EPB41L3: variants seen among roughly 807,000 people sequenced by gnomAD.
EPB41L3 encodes the protein band 4.1-like protein 3.
In EPB41L3, 57 loss-of-function variants were observed where a neutral mutation model predicts 127.1. That is an observed-to-expected ratio of 0.45 (90% CI 0.36 to 0.56). The LOEUF (loss-of-function observed/expected upper bound fraction) is 0.56, where lower values mean the gene tolerates loss of function less well. Among genes scored for constraint, EPB41L3 ranks in the 20% least tolerant of loss-of-function variants. The pLI, the probability that EPB41L3 is intolerant of heterozygous loss-of-function variation, is 0.00. For missense variants in EPB41L3, 1,273 were observed against 1,372.2 expected, an observed-to-expected ratio of 0.93 and a Z score of 1.14; for synonymous variants, 572 against 549.5, an observed-to-expected ratio of 1.04 and a Z score of -0.57.
intron 16 of EPB41L3, among the ~76,000 whole-genome samples, chr18:5,405,799 A>AACAC (rs1292820934): frequency 9.6e-6 from 1 of 103,788 alleles, no homozygotes. Context: ...CAAACAAACA[A>AACAC]AAACAAAAAA....
intron 3 of EPB41L3, among the ~76,000 whole-genome samples, chr18:5,581,717 C>T (rs752515529): frequency 6.6e-6 from 1 of 152,140 alleles, no homozygotes; most frequent in South Asian, 2.1e-4. Flanking sequence ...ATGATTAAGG[C>T]CAGGCATGGT....
chr18:5,538,260 A>G (rs2093627400), intron 1 of EPB41L3, among the ~76,000 whole-genome samples: 1 of 152,172 alleles, frequency 6.6e-6, no homozygotes. Flanking sequence ...GCTTTTCCAC[A>G]CAATATCAAC....
In EPB41L3 at chr18:5,394,793, C is replaced by T. The variant is rs767551000; in HGVS notation, c.3154G>A (p.Ala1052Thr). 6.2e-7 allele frequency: 1 copy of T among 1,613,884 alleles called. No homozygotes were observed. The highest frequency in any genetic ancestry group is 1.3e-5 in the African/African-American group (1 of 74,876). Residue 1052 changes from alanine to threonine, a missense_variant and splice_region_variant, in exon 22 of 23, where the codon GCG becomes ACG. Transcript: ENST00000341928. The part of the protein sequence containing the change: ...TGDADIDHDQ[A>T]LAQAIKEAKE... ...GCCTCTTTAATTGCCTGAGCCAGCG[C>T]CTATCCCCGGGAAATCACAGAAGGG... is the stretch of plus-strand genomic sequence containing the variant.
chr18:5,586,951 T>C (rs576141060), intron 3 of EPB41L3, among the ~76,000 whole-genome samples: 13 of 152,302 alleles, frequency 8.5e-5, no homozygotes, highest in African/African-American at 2.9e-4. Flanking sequence ...TTTCACCCTG[T>C]ACCTGTGCAT....
intron 9 of EPB41L3, among the ~76,000 whole-genome samples, chr18:5,425,564 AG>A (rs1241578921): frequency 6.6e-6 from 1 of 152,162 alleles, no homozygotes; most frequent in Non-Finnish European, 1.5e-5. Context: ...CAACCTCTGT[AG>A]GCAAGGATGA....
intron 3 of EPB41L3, among the ~76,000 whole-genome samples, chr18:5,448,252 A>G (rs1007207331): frequency 6.6e-6 from 1 of 152,230 alleles, no homozygotes; most frequent in Non-Finnish European, 1.5e-5. Flanking sequence ...CGTCATGATG[A>G]GAAAGATGCT....
intron 3 of EPB41L3, 22 bp downstream of exon 3, chr18:5,478,219 A>C (rs773838438): frequency 3.7e-6 from 6 of 1,607,284 alleles, no homozygotes; most frequent in Non-Finnish European, 5.1e-6. Flanking sequence ...TAGGACAGAA[A>C]AGTCTTAAGA....
intron 8 of EPB41L3, among the ~76,000 whole-genome samples, chr18:5,429,896 G>C (rs907266127): frequency 1.3e-5 from 2 of 152,132 alleles, no homozygotes; most frequent in Non-Finnish European, 2.9e-5. Context: ...CAGCCAATCT[G>C]TCTGCGCCAC....
chr18:5,605,396 T>C (rs1251930235), intron 3 of EPB41L3, among the ~76,000 whole-genome samples: 1 of 151,768 alleles, frequency 6.6e-6, no homozygotes, highest in Non-Finnish European at 1.5e-5. Flanking sequence ...TTTTTCTTTA[T>C]TTTTTTTAGA....
intron 1 of EPB41L3, among the ~76,000 whole-genome samples, chr18:5,515,709 TG>T (rs1272391914): frequency 6.6e-6 from 1 of 152,136 alleles, no homozygotes; most frequent in Non-Finnish European, 1.5e-5. Context: ...GAAACACAGT[TG>T]TAAGTCAAAA....
intron 3 of EPB41L3, among the ~76,000 whole-genome samples, chr18:5,450,821 C>T (rs1466001279): frequency 6.6e-6 from 1 of 152,174 alleles, no homozygotes; most frequent in Non-Finnish European, 1.5e-5. Context: ...CTGTGGAGTT[C>T]TTTCAGTGTA....
Position 5,395,705 on chromosome 18 carries a change from G to T in EPB41L3, c.2976C>A (p.Val992=). ...CTGGCTCCAGATCTGTGCCTGGATC[G>T]ACCTAAAGCAGCAGAGGCATAGACC... is the stretch of plus-strand genomic sequence containing the variant. The part of the protein sequence containing the change: ...TKTITYESSQ[V]DPGTDLEPGV... Residue 992 remains valine, a splice_region_variant and synonymous_variant, in exon 20 of 23, where the codon GTC becomes GTA. Coordinates refer to ENST00000341928, the MANE Select transcript of EPB41L3 (RefSeq NM_012307.5). 1.2e-6 allele frequency: 2 copies of T among 1,613,900 alleles called. No homozygotes were observed. The highest frequency in any genetic ancestry group is 1.7e-6 in the Non-Finnish European group (2 of 1,179,858).
At chr18:5,595,235 G>C (rs1242006923) in intron 3 of EPB41L3, among the ~76,000 whole-genome samples, 1 of 152,212 alleles carries the variant, frequency 6.6e-6, no homozygotes, top group Non-Finnish European at 1.5e-5. Context: ...AGCTAAAGCA[G>C]AGAATTGACA....
At chr18:5,552,858 A>G (rs1335374887) in intron 3 of EPB41L3, among the ~76,000 whole-genome samples, 1 of 152,228 alleles carries the variant, frequency 6.6e-6, no homozygotes, top group Admixed American at 6.5e-5. Flanking sequence ...GCCAGGACAC[A>G]AGCTCGGGTA....
At chr18:5,558,069 A>G (rs1164954996) in intron 3 of EPB41L3, among the ~76,000 whole-genome samples, 1 of 152,216 alleles carries the variant, frequency 6.6e-6, no homozygotes, top group Non-Finnish European at 1.5e-5. Context: ...CAAGTATTTG[A>G]CATACATTCT....
intron 3 of EPB41L3, chr18:5,466,448 A>AT (rs2085001846): frequency 1.3e-5 from 2 of 152,180 alleles, no homozygotes; most frequent in Non-Finnish European, 2.9e-5. Flanking sequence ...TTCTTAGTAA[A>AT]TATTTCATCA....
At chr18:5,447,554 A>T (rs572194642) in intron 3 of EPB41L3, among the ~76,000 whole-genome samples, 2 of 151,940 alleles carry the variant, frequency 1.3e-5, no homozygotes, top group South Asian at 4.2e-4. Flanking sequence ...AACCAAAACA[A>T]ATGCAAATAC....
At position 5,478,349 on chromosome 18, in the gene EPB41L3, T is replaced by C; in HGVS notation, c.273A>G (p.Ser91=). The change falls in exon 3 of 23, where the codon TCA becomes TCG. Residue 91 remains serine, a synonymous_variant. Coordinates refer to ENST00000341928, the MANE Select transcript of EPB41L3 (RefSeq NM_012307.5). ...QLEDDKLSQK[S]SSSKLSRSPL... ...GAGACCGAGAGAGTTTACTGCTAGA[T>C]GATTTCTGAGAAAGTTTATCGTCTT... 6.2e-7 allele frequency: 1 copy of C among 1,614,210 alleles called. No homozygotes were observed. The highest frequency in any genetic ancestry group is 1.7e-5 in the Admixed American group (1 of 60,026).
At chr18:5,432,704 G>C (rs545761447) in intron 8 of EPB41L3, among the ~76,000 whole-genome samples, 3 of 152,252 alleles carry the variant, frequency 2.0e-5, no homozygotes, top group Admixed American at 6.5e-5. Flanking sequence ...AAGCTGCTCT[G>C]TGTATCCTCA....
Sources: gnomAD v4.1 joint callset for allele counts (sites outside exome capture counted in the v4.1 genomes callset) on GRCh38, gnomAD v4.1.1 for gene constraint, MANE v1.5 for transcripts, NCBI Gene and HGNC (gene_info 2026-07-23, HGNC 2026-07-21) for gene names.